Variants in PCTP observed in about 807,000 individuals in gnomAD.
PCTP encodes phosphatidylcholine transfer protein.
In PCTP, 27 loss-of-function variants were observed where a neutral mutation model predicts 31.0. The observed-to-expected ratio is 0.87, with a 90% confidence interval of 0.64 to 1.20. The LOEUF (loss-of-function observed/expected upper bound fraction) is 1.20, where lower values mean the gene tolerates loss of function less well. Ranked by LOEUF, PCTP falls within the 50% of genes most tolerant of loss-of-function variation. PCTP has a pLI of 0.00. For missense variants in PCTP, 287 were observed against 268.2 expected (o/e 1.07, Z -0.49); for synonymous variants, 108 against 101.2 (o/e 1.07, Z -0.40).
downstream of PCTP, among the ~76,000 whole-genome samples, chr17:55,782,228 T>C (rs1221934199): frequency 6.6e-6 from 1 of 152,184 alleles, no homozygotes; most frequent in Non-Finnish European, 1.5e-5. Context: ...ACCTCCTATA[T>C]TGGGGACAGC....
At chr17:55,795,921 T>G (rs1313156479) in intron 3 of PCTP, among the ~76,000 whole-genome samples, 1 of 152,052 alleles carries the variant, frequency 6.6e-6, no homozygotes, top group African/African-American at 2.4e-5. Flanking sequence ...GTGAAAACTT[T>G]AAAACATGTT....
downstream of PCTP, among the ~76,000 whole-genome samples, chr17:55,825,810 A>G (rs1365353276): frequency 6.6e-6 from 1 of 152,154 alleles, no homozygotes; most frequent in Non-Finnish European, 1.5e-5. Flanking sequence ...TCTACACATC[A>G]CTTAATAGAG....
At chr17:55,760,346 A>G (rs1910270694) in intron 1 of PCTP, among the ~76,000 whole-genome samples, 1 of 152,232 alleles carries the variant, frequency 6.6e-6, no homozygotes, top group African/African-American at 2.4e-5. Context: ...ATAGTAACCT[A>G]CCTTATTAAT....
intron 3 of PCTP, among the ~76,000 whole-genome samples, chr17:55,812,361 C>G (rs1383073301): frequency 6.6e-6 from 1 of 152,112 alleles, no homozygotes; most frequent in African/African-American, 2.4e-5. Flanking sequence ...TAGTATTTCC[C>G]CCATGGTACA....
intron 5 of PCTP, 72 bp downstream of exon 5, chr17:55,774,931 G>T: frequency 1.4e-6 from 2 of 1,467,710 alleles, no homozygotes; most frequent in South Asian, 1.1e-5. Context: ...TTAGCCCGCG[G>T]GGCTGTCAGG....
intron 5 of PCTP, among the ~76,000 whole-genome samples, chr17:55,831,678 C>G (rs9907859): frequency 0.17 from 25,809 of 152,158 alleles, 2,319 homozygotes; most frequent in Middle Eastern, 0.26. Flanking sequence ...GTTCCAACGT[C>G]AAGTTTACTA....
chr17:55,792,064 C>A (rs1199944262), intron 3 of PCTP, among the ~76,000 whole-genome samples: 1 of 146,354 alleles, frequency 6.8e-6, no homozygotes, highest in Non-Finnish European at 1.5e-5. Flanking sequence ...GAACAAAAAA[C>A]CAAACACCGC....
intron 1 of PCTP, among the ~76,000 whole-genome samples, chr17:55,754,195 C>T (rs1279469562): frequency 6.6e-5 from 10 of 152,112 alleles, no homozygotes; most frequent in Admixed American, 6.5e-4. Context: ...GGTCCCAGTC[C>T]CACAAGATTA....
intron 3 of PCTP, among the ~76,000 whole-genome samples, chr17:55,818,083 C>A (rs1912987927): frequency 6.6e-6 from 1 of 152,180 alleles, no homozygotes; most frequent in Non-Finnish European, 1.5e-5. Flanking sequence ...AAAGACTTTT[C>A]ATGAGAAACG....
chr17:55,812,012 T>C (rs1033795636), intron 3 of PCTP, among the ~76,000 whole-genome samples: 4 of 152,210 alleles, frequency 2.6e-5, no homozygotes, highest in African/African-American at 9.6e-5. Flanking sequence ...TGAATCTTCC[T>C]GGTAGCGCTC....
intron 3 of PCTP, among the ~76,000 whole-genome samples, chr17:55,794,512 T>C (rs1430444272): frequency 2.0e-5 from 3 of 151,962 alleles, no homozygotes; most frequent in Non-Finnish European, 4.4e-5. Flanking sequence ...TGTATATACA[T>C]CTCTGAGTCC....
At chr17:55,784,482 G>A (rs890167398) in intron 2 of PCTP, among the ~76,000 whole-genome samples, 25 of 151,994 alleles carry the variant, frequency 1.6e-4, no homozygotes, top group African/African-American at 6.0e-4. Context: ...TAATATCAAT[G>A]AATTATTCTT....
Position 55,777,090 on chromosome 17 carries a change from C to G in PCTP, c.*990C>G. ...CTGCACCTTTTTCTCAGGAATTCTGCCTAAGTTGTCTGCCTTTTCTACCAC... is the reference window on the plus strand; with the variant it reads ...CTGCACCTTTTTCTCAGGAATTCTGGCTAAGTTGTCTGCCTTTTCTACCAC... On this transcript the variant is annotated 3_prime_UTR_variant, in exon 6 of 6. Transcript: ENST00000268896. The G allele has an allele frequency of 1.0e-6, 1 of 985,830 alleles. No individual in the cohort carries two copies. The highest frequency in any genetic ancestry group is 1.2e-6 in the Non-Finnish European group (1 of 829,924). 61.1% of individuals were successfully genotyped at this position (985,830 alleles called of 1,614,324 possible). A position where few individuals can be genotyped will look rare whatever the true frequency, so the allele number is the denominator to read the frequency against.
downstream of PCTP, among the ~76,000 whole-genome samples, chr17:55,825,851 C>T (rs527436955): frequency 2.0e-4 from 31 of 152,306 alleles, no homozygotes; most frequent in South Asian, 1.0e-3. Context: ...ATTCTGACTG[C>T]GCTAATTCCA....
chr17:55,849,009 T>C, the PCTP span, among the ~76,000 whole-genome samples: 1 of 152,088 alleles, frequency 6.6e-6, no homozygotes, highest in Non-Finnish European at 1.5e-5. Flanking sequence ...TAAAATATTA[T>C]GAGATGTGAA....
chr17:55,845,755 C>A (rs114917440), downstream of PCTP, among the ~76,000 whole-genome samples: 2,552 of 152,144 alleles, frequency 0.017, 87 homozygotes, highest in African/African-American at 0.058. Context: ...AGGGCCGAGC[C>A]CCCCCGTGAG....
intron 1 of PCTP, among the ~76,000 whole-genome samples, chr17:55,762,794 C>T (rs927086300): frequency 1.3e-5 from 2 of 152,126 alleles, no homozygotes; most frequent in Non-Finnish European, 2.9e-5. Flanking sequence ...ACACGGCTAC[C>T]TCTCCCTGCA....
At chr17:55,764,719 G>T (rs1910544273) in intron 1 of PCTP, among the ~76,000 whole-genome samples, 1 of 152,296 alleles carries the variant, frequency 6.6e-6, no homozygotes, top group South Asian at 2.1e-4. Context: ...TCTCTAGAAA[G>T]ATTCAGCATG....
intron 5 of PCTP, among the ~76,000 whole-genome samples, chr17:55,842,298 G>A (rs1259088479): frequency 6.6e-6 from 1 of 152,172 alleles, no homozygotes; most frequent in Admixed American, 6.5e-5. Context: ...AATAAGTAGA[G>A]GCGTATATTA....
Sources: allele counts gnomAD v4.1 joint callset (sites outside exome capture counted in the v4.1 genomes callset), GRCh38; gene constraint gnomAD v4.1.1; transcripts MANE v1.5; gene names NCBI Gene and HGNC (gene_info 2026-07-23, HGNC 2026-07-21).